The following EHD4 variants were observed in gnomAD, a reference collection of about 807,000 sequenced individuals.
EHD4 encodes the protein EH domain-containing protein 4.
A neutral mutation model predicts 51.0 loss-of-function variants in EHD4; 37 were observed. That is an observed-to-expected ratio of 0.73 (90% CI 0.56 to 0.95). EHD4 has a LOEUF of 0.95. Among genes scored for constraint, EHD4 ranks in the 40% least tolerant of loss-of-function variants. The pLI is 0.00. For missense variants in EHD4, 632 were observed against 733.1 expected (o/e 0.86, Z 1.59); for synonymous variants, 297 against 317.3 (o/e 0.94, Z 0.68).
At chr15:41,916,748 C>T (rs955621984) in intron 4 of EHD4, among the ~76,000 whole-genome samples, 2 of 152,240 alleles carry the variant, frequency 1.3e-5, no homozygotes, top group African/African-American at 2.4e-5. Flanking sequence ...TTCCTGTCCC[C>T]GTTCCTCAGC....
intron 3 of EHD4, chr15:41,921,826 T>C (rs1595534307): frequency 6.6e-6 from 1 of 151,852 alleles, no homozygotes; most frequent in African/African-American, 2.4e-5. Context: ...TGGCAGAGAG[T>C]CCCTCGCCCC....
In EHD4 at chr15:41,919,765, A is replaced by G. The variant is rs996640433; in HGVS notation, c.512-143T>C. ...CTGGAGGCAGTGGAGGCCTGGTGAC[A>G]TGAAAATCACGGGCTGGATGAATCC... is the stretch of plus-strand genomic sequence containing the variant. On this transcript the variant is annotated intron_variant, in intron 3 of 5. Transcript: ENST00000220325. 1.5e-5 allele frequency: 12 copies of G among 786,636 alleles called. No homozygotes were observed. In the East Asian group the frequency reaches 3.8e-4, roughly 25 times the overall value. 48.7% of individuals were successfully genotyped at this position (786,636 alleles called of 1,614,324 possible).
intron 3 of EHD4, among the ~76,000 whole-genome samples, chr15:41,922,462 A>G (rs1427207593): frequency 6.6e-6 from 1 of 152,218 alleles, no homozygotes; most frequent in Admixed American, 6.5e-5. Context: ...AAGATTTCGG[A>G]ATACCTCTTA....
At chr15:41,911,458 G>A (rs558265009) in intron 4 of EHD4, among the ~76,000 whole-genome samples, 10 of 151,048 alleles carry the variant, frequency 6.6e-5, no homozygotes, top group East Asian at 1.9e-4. Context: ...CTTTGCCTCC[G>A]ACAGTGAATG....
intron 4 of EHD4, among the ~76,000 whole-genome samples, chr15:41,918,061 T>C (rs2067597139): frequency 6.6e-6 from 1 of 152,138 alleles, no homozygotes; most frequent in African/African-American, 2.4e-5. Context: ...AGGCTGCTAA[T>C]GAGCAGCAAG....
In EHD4 at chr15:41,909,788, GCT is replaced by G. The variant is rs1221502304; in HGVS notation, c.998_999del (p.Glu333AlafsTer25). ...TAGATTTCCGGTAGCCTGCTGATAA[GCT>G]CTCTCTTCTTGTTTTCCTTTCCAAA... ...SVFGKENKKRELISRLPEIYI... is the reference protein window; with the variant it reads ...SVFGKENKKRXLISRLPEIYI... On this transcript the variant is annotated frameshift_variant, in exon 5 of 6. Coordinates refer to ENST00000220325, the MANE Select transcript of EHD4 (RefSeq NM_139265.4). LOFTEE classifies it high-confidence loss of function. The G allele has an allele frequency of 1.2e-6, 2 of 1,614,180 alleles. No individual in the cohort carries two copies. Among genetic ancestry groups the G allele is most frequent in the South Asian group, 2.2e-5 (2 of 91,070 alleles).
At chr15:41,904,062 G>A (rs890161672) in intron 5 of EHD4, among the ~76,000 whole-genome samples, 1 of 152,228 alleles carries the variant, frequency 6.6e-6, no homozygotes, top group Non-Finnish European at 1.5e-5. Context: ...AAAAATCCCA[G>A]TGCTGCTGGG....
intron 2 of EHD4, among the ~76,000 whole-genome samples, chr15:41,949,599 A>G (rs943121628): frequency 6.6e-6 from 1 of 152,156 alleles, no homozygotes; most frequent in Admixed American, 6.5e-5. Context: ...ACATTCCTTC[A>G]GCTCAAAGGG....
intron 3 of EHD4, among the ~76,000 whole-genome samples, 181 bp from the exon 4 acceptor site, chr15:41,919,803 C>T (rs755988949): frequency 4.6e-5 from 7 of 151,970 alleles, no homozygotes; most frequent in African/African-American, 1.7e-4. Context: ...GTGGGAAGGA[C>T]CTGGGGAGCC....
At position 41,940,039 on chromosome 15, in the gene EHD4, T is replaced by C. The variant is rs992404169; in HGVS notation, c.511+3028A>G. On this transcript the variant is annotated intron_variant, in intron 3 of 5. Coordinates refer to ENST00000220325, the MANE Select transcript of EHD4 (RefSeq NM_139265.4). ...TCACTATGTTGGCCAAGCTGGTCTC[T>C]AACTCCTGAACTCAAGGGATCCTCG... 2.8e-4 allele frequency among the ~76,000 whole-genome samples: 42 copies of C among 152,166 alleles called. 1 individual carries two copies. Among genetic ancestry groups the C allele is most frequent in the Admixed American group, 2.7e-3 (42 of 15,282 alleles).
intron 5 of EHD4, among the ~76,000 whole-genome samples, chr15:41,901,385 G>A (rs2067477204): frequency 6.6e-6 from 1 of 152,170 alleles, no homozygotes; most frequent in Non-Finnish European, 1.5e-5. Flanking sequence ...TTTTTCCTAT[G>A]GCAGCCAATC....
intron 3 of EHD4, among the ~76,000 whole-genome samples, chr15:41,930,062 A>G (rs912895588): frequency 1.3e-5 from 2 of 152,344 alleles, no homozygotes; most frequent in East Asian, 1.9e-4. Context: ...GAATGTTTCT[A>G]TAGGTGTAAT....
At chr15:41,931,516 AAAAT>A (rs2067698107) in intron 3 of EHD4, among the ~76,000 whole-genome samples, 1 of 152,228 alleles carries the variant, frequency 6.6e-6, no homozygotes, top group Non-Finnish European at 1.5e-5. Context: ...ATCCTGTCTC[AAAAT>A]AAAATAAAAC....
At chr15:41,950,674 G>C (rs930984367) in intron 2 of EHD4, among the ~76,000 whole-genome samples, 1 of 152,166 alleles carries the variant, frequency 6.6e-6, no homozygotes, top group African/African-American at 2.4e-5. Context: ...GTTTACATGA[G>C]GCATGTCCCT....
chr15:41,950,899 C>G (rs891852708), intron 2 of EHD4, among the ~76,000 whole-genome samples: 1 of 152,180 alleles, frequency 6.6e-6, no homozygotes, highest in Non-Finnish European at 1.5e-5. Context: ...GTGTTATCAA[C>G]GCCAAAAGAA....
At chr15:41,942,585 G>A (rs888976346) in intron 3 of EHD4, 68 of 159,032 alleles carry the variant, frequency 4.3e-4, no homozygotes, top group African/African-American at 1.6e-3. Context: ...CCTAGAAGCA[G>A]CTATTGCCTC....
At chr15:41,916,951 A>G (rs2067588518) in intron 4 of EHD4, among the ~76,000 whole-genome samples, 1 of 152,164 alleles carries the variant, frequency 6.6e-6, no homozygotes, top group South Asian at 2.1e-4. Context: ...AAGGGTTTTC[A>G]TTATTCACAG....
intron 1 of EHD4, among the ~76,000 whole-genome samples, chr15:41,957,702 G>A (rs2141006841): frequency 6.6e-6 from 1 of 152,290 alleles, no homozygotes; most frequent in Admixed American, 6.5e-5. Context: ...GCTCCCTGGT[G>A]CTCTAAGCAG....
rs751033962 is a variant in EHD4, at chr15:41,945,907, C to T, written c.414-2743G>A. Reference sequence around the variant, plus strand: ...TGTCCCGACCCCATCAACTCACAGCCGTGGGACTGGGCAAGGTATGTCGTG... The same window carrying T: ...TGTCCCGACCCCATCAACTCACAGCTGTGGGACTGGGCAAGGTATGTCGTG... On this transcript the variant is annotated intron_variant, in intron 2 of 5. Coordinates refer to ENST00000220325, the MANE Select transcript of EHD4 (RefSeq NM_139265.4). 2.6e-5 allele frequency among the ~76,000 whole-genome samples: 4 copies of T among 152,328 alleles called. No individual in the cohort carries two copies. The East Asian group carries it at 5.8e-4, about 22-fold the overall frequency.
Sources: gnomAD v4.1 joint callset for allele counts (sites outside exome capture counted in the v4.1 genomes callset) on GRCh38, gnomAD v4.1.1 for gene constraint, MANE v1.5 for transcripts, NCBI Gene and HGNC (gene_info 2026-07-23, HGNC 2026-07-21) for gene names.